Variants in ADCY1 observed in about 807,000 individuals in gnomAD.
ADCY1 encodes adenylate cyclase type 1.
A neutral mutation model predicts 105.4 loss-of-function variants in ADCY1; 28 were observed. That is an observed-to-expected ratio of 0.27 (90% confidence interval 0.20 to 0.36). ADCY1 has a LOEUF of 0.36. ADCY1 is among the 10% of genes least tolerant of loss of function. The probability of loss-of-function intolerance (pLI) is 1.00; values close to 1 mark genes in which losing one functional copy is unlikely to be tolerated. For missense variants in ADCY1, 977 were observed against 1,434.2 expected (o/e 0.68, Z 5.15); for synonymous variants, 655 against 623.8 (o/e 1.05, Z -0.75).
chr7:45,661,876 A>G (rs1362681064), intron 7 of ADCY1, among the ~76,000 whole-genome samples, 183 bp from the exon 8 acceptor site: 2 of 152,026 alleles, frequency 1.3e-5, no homozygotes, highest in African/African-American at 2.4e-5. Flanking sequence ...GGCCCTCCCA[A>G]TATGGTTTTG....
intron 14 of ADCY1, among the ~76,000 whole-genome samples, chr7:45,700,422 C>T (rs1295915734): frequency 6.6e-6 from 1 of 152,202 alleles, no homozygotes; most frequent in Non-Finnish European, 1.5e-5. Context: ...CTAAGTTCCT[C>T]TAACCTTGGG....
intron 14 of ADCY1, among the ~76,000 whole-genome samples, chr7:45,691,275 G>C (rs546790278): frequency 6.6e-6 from 1 of 152,330 alleles, no homozygotes; most frequent in East Asian, 1.9e-4. Flanking sequence ...GCGGATCCTT[G>C]TGCATGCGTG....
Position 45,621,853 on chromosome 7 carries a change from T to C in ADCY1, c.909-779T>C, listed in dbSNP as rs117157622. 8.4e-3 allele frequency among the ~76,000 whole-genome samples: 1,286 copies of C among 152,330 alleles called. 6 individuals are homozygous for C. Among genetic ancestry groups the C allele is most frequent in the Non-Finnish European group, 0.013 (851 of 68,028 alleles). On this transcript the variant is annotated intron_variant, in intron 3 of 19. Coordinates refer to ENST00000297323, the MANE Select transcript of ADCY1 (RefSeq NM_021116.4). The stretch of plus-strand genomic sequence containing the variant: ...ATTGGGACCCTGTGGAGAGATATCT[T>C]AAAGCTACAACATTTTTACAGACAA...
At chr7:45,587,693 C>G (rs570278990) in intron 1 of ADCY1, among the ~76,000 whole-genome samples, 2 of 152,182 alleles carry the variant, frequency 1.3e-5, no homozygotes, top group African/African-American at 4.8e-5. Context: ...CTAGTGACCA[C>G]GAGTGGTGTC....
intron 4 of ADCY1, among the ~76,000 whole-genome samples, chr7:45,635,715 A>C (rs573228418): frequency 2.7e-5 from 4 of 146,996 alleles, no homozygotes; most frequent in Non-Finnish European, 4.4e-5. Context: ...TTTTGTGGTC[A>C]GAGAACATAC....
rs371425820 is a variant in ADCY1 at position 45,657,710 on chromosome 7, C to T, written c.1149-17C>T. ...ACAAGGTGGGCCCTAGCCCCACGCT[C>T]TGTGTCTGTGTTGCAGATCTGTGGC... On this transcript the variant is annotated splice_polypyrimidine_tract_variant and intron_variant, in intron 5 of 19. Transcript: ENST00000297323. 53 of 1,610,722 alleles carry T rather than the reference C, an allele frequency of 3.3e-5. 1 individual carries two copies. The Middle Eastern group carries it at 1.8e-3, about 55-fold the overall frequency.
intron 11 of ADCY1, chr7:45,680,335 C>T (rs1436405039): frequency 1.1e-5 from 2 of 176,792 alleles, no homozygotes; most frequent in Admixed American, 1.1e-4. Context: ...GATGCCTCAT[C>T]TGCTTTGCTC....
In ADCY1 at chr7:45,660,177, C is replaced by T. The variant is rs1013750896; in HGVS notation, c.1443C>T (p.Arg481=). ...CCTTTTTTATTGTGCCATCCCATCG[C>T]CGAAAGGTAGGCACCAGAGCCCCCC... is the stretch of plus-strand genomic sequence containing the variant. ...IETFFIVPSH[R]RKIFPGLILS... The change falls in exon 7 of 20, where the codon CGC becomes CGT. Residue 481 remains arginine, a synonymous_variant. Coordinates refer to ENST00000297323, the MANE Select transcript of ADCY1 (RefSeq NM_021116.4). 1 of 1,614,190 alleles carries T rather than the reference C, an allele frequency of 6.2e-7. No homozygotes were observed. Among genetic ancestry groups the T allele is most frequent in the East Asian group, 2.2e-5 (1 of 44,884 alleles).
chr7:45,705,932 A>G (rs774111478), intron 17 of ADCY1, among the ~76,000 whole-genome samples: 2 of 152,226 alleles, frequency 1.3e-5, no homozygotes, highest in African/African-American at 2.4e-5. Context: ...GGAATTTGCA[A>G]TTACAAACAA....
intron 4 of ADCY1, among the ~76,000 whole-genome samples, chr7:45,646,648 C>A (rs138047624): frequency 0.016 from 2,466 of 152,322 alleles, 26 homozygotes; most frequent in Non-Finnish European, 0.025. Flanking sequence ...TGGAGTGGAC[C>A]TACCTACCCA....
rs958672830 is a variant in ADCY1, at chr7:45,716,446, C to A, written c.*2451C>A. 1 of 152,588 alleles carries A rather than the reference C, an allele frequency of 6.6e-6. No individual in the cohort carries two copies. 9.5% of individuals were successfully genotyped at this position (152,588 alleles called of 1,614,324 possible). A position where few individuals can be genotyped will look rare whatever the true frequency, so the allele number is the denominator to read the frequency against. On this transcript the variant is annotated 3_prime_UTR_variant, in exon 20 of 20. Coordinates refer to ENST00000297323, the MANE Select transcript of ADCY1 (RefSeq NM_021116.4). The stretch of plus-strand genomic sequence containing the variant: ...CTCATCCTCATCTGTCTATCCCAGC[C>A]GGATTTAAAGCAGTCACTTCAGACA...
intron 5 of ADCY1, among the ~76,000 whole-genome samples, chr7:45,652,348 C>T (rs1029109950): frequency 3.9e-5 from 6 of 152,164 alleles, no homozygotes; most frequent in Admixed American, 1.3e-4. Flanking sequence ...TTCCGTGGTT[C>T]CAGAGGCTGC....
intron 2 of ADCY1, among the ~76,000 whole-genome samples, chr7:45,602,915 C>G (rs750884451): frequency 1.3e-5 from 2 of 151,888 alleles, no homozygotes; most frequent in South Asian, 4.2e-4. Context: ...TTTTATTATC[C>G]CCCAAAGACA....
At position 45,610,376 on chromosome 7, in the gene ADCY1, C is replaced by T. The variant is rs76595582; in HGVS notation, c.790-3C>T. The T allele has an allele frequency of 7.6e-5, 123 of 1,613,150 alleles. No homozygotes were observed. The highest frequency in any genetic ancestry group is 9.9e-5 in the Non-Finnish European group (117 of 1,179,598). ...CTAACCCGGGCCCTTCTCTTCTGTC[C>T]AGGAGCGGCTCCTCATGAGCCTCCT... is the stretch of plus-strand genomic sequence containing the variant. On this transcript the variant is annotated splice_region_variant and splice_polypyrimidine_tract_variant and intron_variant, in intron 2 of 19. Transcript: ENST00000297323.
chr7:45,676,008 A>G (rs924397117), intron 8 of ADCY1, among the ~76,000 whole-genome samples: 1 of 148,426 alleles, frequency 6.7e-6, no homozygotes, highest in African/African-American at 2.5e-5. Flanking sequence ...TGAATGTTAA[A>G]TTTTCCATTT....
intron 1 of ADCY1, among the ~76,000 whole-genome samples, chr7:45,592,324 G>A (rs1429688873): frequency 6.6e-6 from 1 of 152,092 alleles, no homozygotes; most frequent in African/African-American, 2.4e-5. Context: ...TTCCCTCTGT[G>A]CCCTCACAGA....
chr7:45,654,393 A>G (rs1335502613), intron 5 of ADCY1, among the ~76,000 whole-genome samples: 2 of 152,196 alleles, frequency 1.3e-5, no homozygotes, highest in Non-Finnish European at 2.9e-5. Context: ...ACTACATTGA[A>G]TTAAATTAGA....
chr7:45,663,197 G>A (rs955773741), intron 8 of ADCY1, among the ~76,000 whole-genome samples: 2 of 152,222 alleles, frequency 1.3e-5, no homozygotes, highest in South Asian at 2.1e-4. Flanking sequence ...CTGCCGCTCT[G>A]CTACCCGCAC....
At chr7:45,579,347 C>T (rs1397841443) in intron 1 of ADCY1, among the ~76,000 whole-genome samples, 1 of 152,090 alleles carries the variant, frequency 6.6e-6, no homozygotes, top group East Asian at 1.9e-4. Flanking sequence ...GCTGGCCCTA[C>T]CTCCCCTGCT....
Sources: allele counts gnomAD v4.1 joint callset (sites outside exome capture counted in the v4.1 genomes callset), GRCh38; gene constraint gnomAD v4.1.1; transcripts MANE v1.5; gene names NCBI Gene and HGNC (gene_info 2026-07-23, HGNC 2026-07-21).